Variants in PRKN observed in about 807,000 individuals in gnomAD.
The protein encoded by PRKN is E3 ubiquitin-protein ligase parkin.
In PRKN, 56 loss-of-function variants were observed where a neutral mutation model predicts 59.5. The observed-to-expected ratio is 0.94, with a 90% CI of 0.76 to 1.18. PRKN has a LOEUF of 1.18. Ranked by LOEUF, PRKN falls within the 50% of genes most tolerant of loss-of-function variation. The probability of loss-of-function intolerance (pLI) is 0.00; values close to 1 mark genes in which losing one functional copy is unlikely to be tolerated. For synonymous variants in PRKN, 250 were observed against 222.1 expected, an observed-to-expected ratio of 1.13 and a Z score of -1.12; for missense variants, 657 against 596.4, an observed-to-expected ratio of 1.10 and a Z score of -1.06.
chr6:162,051,742 C>T (rs1777654623), intron 5 of PRKN, among the ~76,000 whole-genome samples: 3 of 152,058 alleles, frequency 2.0e-5, no homozygotes, highest in African/African-American at 4.8e-5. Flanking sequence ...GGGCAGCTGC[C>T]GCCCCCACAT....
chr6:162,365,499 T>TAA (rs1448655866), intron 2 of PRKN, among the ~76,000 whole-genome samples: 5 of 152,176 alleles, frequency 3.3e-5, no homozygotes, highest in African/African-American at 1.2e-4. Flanking sequence ...CGTGGACTCT[T>TAA]ACGTGATTTA....
chr6:162,616,443 GC>G (rs1404158756), intron 1 of PRKN, among the ~76,000 whole-genome samples: 1 of 151,996 alleles, frequency 6.6e-6, no homozygotes, highest in Admixed American at 6.6e-5. Flanking sequence ...CCCATTAAAT[GC>G]CATAAATATT....
chr6:161,605,967 C>A (rs1320284218), intron 7 of PRKN, among the ~76,000 whole-genome samples: 1 of 152,150 alleles, frequency 6.6e-6, no homozygotes, highest in African/African-American at 2.4e-5. Flanking sequence ...CAAGAGTTTC[C>A]TCAGGAACCA....
chr6:161,348,354 C>T lies in PRKN; in HGVS notation c.*1745G>A, dbSNP rs1018979909. 4.6e-6 allele frequency: 1 copy of T among 215,422 alleles called. No homozygotes were observed. Among genetic ancestry groups the T allele is most frequent in the African/African-American group, 2.3e-5 (1 of 44,184 alleles). 13.3% of individuals were successfully genotyped at this position (215,422 alleles called of 1,614,324 possible). On this transcript the variant is annotated 3_prime_UTR_variant, in exon 12 of 12. Transcript: ENST00000366898. The surrounding 1 kb of genome is among the most constrained non-coding windows in gnomAD (Gnocchi z 4.9). ...CCTTACTATAGAGACTTTGATCTGT[C>T]CACCATTTCTATGTGAGCTTTGGGC... is the stretch of plus-strand genomic sequence containing the variant.
intron 2 of PRKN, among the ~76,000 whole-genome samples, chr6:162,372,606 G>A (rs1785828365): frequency 6.6e-6 from 1 of 152,136 alleles, no homozygotes; most frequent in Non-Finnish European, 1.5e-5. Context: ...ACTATTCGGT[G>A]CTATGCTCAC....
intron 1 of PRKN, among the ~76,000 whole-genome samples, chr6:162,665,952 T>C (rs1193078598): frequency 3.3e-5 from 5 of 152,136 alleles, no homozygotes; most frequent in Admixed American, 1.3e-4. Flanking sequence ...ATTCAGTAAA[T>C]GGTGCTGGAA....
intron 4 of PRKN, among the ~76,000 whole-genome samples, chr6:162,094,631 A>T (rs1179083297): frequency 6.6e-6 from 1 of 152,096 alleles, no homozygotes; most frequent in Non-Finnish European, 1.5e-5. Context: ...TGGAAAGACT[A>T]TTCATATTCT....
At chr6:162,139,477 T>C (rs1008800945) in intron 4 of PRKN, among the ~76,000 whole-genome samples, 28 of 152,134 alleles carry the variant, frequency 1.8e-4, no homozygotes, top group Non-Finnish European at 5.9e-5. Flanking sequence ...GAACAGAGGC[T>C]TATGAGGACG....
intron 2 of PRKN, among the ~76,000 whole-genome samples, chr6:162,304,822 G>GCCA (rs976115757): frequency 1.2e-5 from 1 of 82,030 alleles, no homozygotes; most frequent in African/African-American, 1.3e-4. Context: ...AGCTGCTGCT[G>GCCA]CCAGATGTGA....
intron 7 of PRKN, among the ~76,000 whole-genome samples, chr6:161,676,280 G>T (rs1402696077): frequency 6.6e-6 from 1 of 152,126 alleles, no homozygotes; most frequent in African/African-American, 2.4e-5. Context: ...TTTAATCAGG[G>T]ACCCACTACA....
Position 162,329,409 on chromosome 6 carries a change from C to T in PRKN, c.172-66644G>A, listed in dbSNP as rs141327602. 1.7e-3 allele frequency among the ~76,000 whole-genome samples: 256 copies of T among 152,236 alleles called. 3 individuals carry two copies. In the East Asian group the frequency reaches 0.023, roughly 14 times the overall value. On this transcript the variant is annotated intron_variant, in intron 2 of 11. Coordinates refer to ENST00000366898, the MANE Select transcript of PRKN (RefSeq NM_004562.3). ...ATATCGATGGCTCCTTTTAGCACTA[C>T]AGGGTCCTAAGGAGAGATGTCAAAA... is the stretch of plus-strand genomic sequence containing the variant.
chr6:162,062,456 T>C (rs944196396), intron 4 of PRKN, among the ~76,000 whole-genome samples: 2 of 152,148 alleles, frequency 1.3e-5, no homozygotes, highest in African/African-American at 4.8e-5. Context: ...AAAATTTATG[T>C]TTAAGTACTA....
intron 3 of PRKN, among the ~76,000 whole-genome samples, chr6:162,248,933 C>A (rs1243956247): frequency 6.6e-6 from 1 of 151,266 alleles, no homozygotes; most frequent in African/African-American, 2.4e-5. Flanking sequence ...GGCTGGAGTG[C>A]AGTGGCATGA....
At chr6:161,689,333 T>C (rs187445233) in intron 7 of PRKN, among the ~76,000 whole-genome samples, 26 of 152,316 alleles carry the variant, frequency 1.7e-4, no homozygotes, top group Admixed American at 1.3e-3. Context: ...ATATGCCACC[T>C]CGTTCTATTG....
intron 7 of PRKN, among the ~76,000 whole-genome samples, chr6:161,678,397 GGATGTAAACATGAAATAA>G (rs1785171667): frequency 6.6e-6 from 1 of 151,022 alleles, no homozygotes; most frequent in South Asian, 2.1e-4. Flanking sequence ...TTAACAAAGT[GGATGTAAACATGAAATAA>G]GATAATAAGT....
chr6:161,669,086 G>A (rs531029828), intron 7 of PRKN, among the ~76,000 whole-genome samples: 1 of 152,228 alleles, frequency 6.6e-6, no homozygotes, highest in South Asian at 2.1e-4. Context: ...TTATAGAAGA[G>A]GCCTGAGAGA....
At chr6:161,808,015 T>C (rs546416787) in intron 6 of PRKN, among the ~76,000 whole-genome samples, 43 of 152,234 alleles carry the variant, frequency 2.8e-4, no homozygotes, top group Non-Finnish European at 5.6e-4. Flanking sequence ...TCTGAGTTCC[T>C]GTATTGTGCG....
intron 4 of PRKN, among the ~76,000 whole-genome samples, chr6:162,166,112 A>T (rs939291848): frequency 1.3e-5 from 2 of 151,948 alleles, no homozygotes; most frequent in South Asian, 4.2e-4. Flanking sequence ...TTACACAACA[A>T]ATGTTTACCT....
chr6:161,912,784 C>T (rs912271227), intron 6 of PRKN, among the ~76,000 whole-genome samples: 3 of 152,124 alleles, frequency 2.0e-5, no homozygotes, highest in African/African-American at 7.2e-5. Flanking sequence ...ACATCTCCAG[C>T]AGAACTCATA....
Sources: gnomAD v4.1 joint callset for allele counts (sites outside exome capture counted in the v4.1 genomes callset) on GRCh38, gnomAD v4.1.1 for gene constraint, Gnocchi (gnomAD v3.1) non-coding constraint, MANE v1.5 for transcripts, NCBI Gene and HGNC (gene_info 2026-07-23, HGNC 2026-07-21) for gene names.